The following STAP2 variants were observed in gnomAD, a reference collection of about 807,000 sequenced individuals.
STAP2 encodes signal transducing adaptor family member 2, also known as signal-transducing adaptor protein 2.
Under a neutral mutation model 52.7 loss-of-function variants are expected in STAP2, and 58 were observed. The ratio of observed to expected loss-of-function variants is 1.10; its 90% CI spans 0.89 to 1.37. STAP2 has a LOEUF of 1.37. Ranked by LOEUF, STAP2 falls within the 40% of genes most tolerant of loss-of-function variation. The pLI is 0.00. For missense variants in STAP2, 522 were observed against 519.4 expected, an observed-to-expected ratio of 1.00 and a Z score of -0.05; for synonymous variants, 231 against 210.5, an observed-to-expected ratio of 1.10 and a Z score of -0.84.
At position 4,338,672 on chromosome 19, in the gene STAP2, T is replaced by C. The variant is rs1972019521; in HGVS notation, c.82A>G (p.Lys28Glu). 6.2e-7 allele frequency: 1 copy of C among 1,612,706 alleles called. No individual in the cohort carries two copies. Among genetic ancestry groups the C allele is most frequent in the African/African-American group, 1.3e-5 (1 of 74,840 alleles). Reference protein sequence around the residue: ...PSHYYESFLEKKGPCDRDYKK... With the variant: ...PSHYYESFLEEKGPCDRDYKK... ...CTTACCCGGTCACAGGGCCCCTTCT[T>C]CTCTAGAAAGCTCTCATAGTAGTGT... is the stretch of plus-strand genomic sequence containing the variant. The change falls in exon 1 of 13, where the codon AAG becomes GAG. Residue 28 changes from lysine (K) to glutamate (E), a missense_variant. Lys to Glu is a moderately conservative substitution (Grantham distance 56, BLOSUM62 1). Coordinates refer to ENST00000594605, the MANE Select transcript of STAP2 (RefSeq NM_001013841.2).
intron 4 of STAP2, 66 bp from the exon 5 acceptor site, chr19:4,330,127 C>A: frequency 1.5e-6 from 2 of 1,294,010 alleles, no homozygotes; most frequent in East Asian, 2.3e-5. Context: ...GTGCCCAAGT[C>A]ACAGAGTGGC....
chr19:4,331,151 G>A (rs926031965), intron 4 of STAP2, among the ~76,000 whole-genome samples: 4 of 152,068 alleles, frequency 2.6e-5, no homozygotes, highest in South Asian at 2.1e-4. Flanking sequence ...GCAACATAGT[G>A]AGACCCTGCT....
chr19:4,332,174 CG>C, intron 3 of STAP2, 96 bp from the exon 4 acceptor site: 2 of 826,786 alleles, frequency 2.4e-6, no homozygotes, highest in South Asian at 2.1e-5. Context: ...TTCAAAGGGC[CG>C]TTTTCTTTTT....
At chr19:4,332,156 G>A in intron 3 of STAP2, 78 bp from the exon 4 acceptor site, 1 of 1,104,528 alleles carries the variant, frequency 9.1e-7, no homozygotes, top group South Asian at 1.5e-5. Flanking sequence ...CTAGGGAAGA[G>A]TCCCTGCTTC....
chr19:4,328,822 G>T lies in STAP2; in HGVS notation c.456-13C>A, dbSNP rs1235237336. On this transcript the variant is annotated splice_polypyrimidine_tract_variant and intron_variant, in intron 5 of 12. Transcript: ENST00000594605. ...CTTCAGGAAGCACCTGTGGCGGGCCGCGTCACCCACTCGGGACCCCGGAGA... is the reference window on the plus strand; with the variant it reads ...CTTCAGGAAGCACCTGTGGCGGGCCTCGTCACCCACTCGGGACCCCGGAGA... 4.4e-6 allele frequency: 7 copies of T among 1,605,388 alleles called. No individual in the cohort carries two copies. The highest frequency in any genetic ancestry group is 1.1e-5 in the South Asian group (1 of 90,216).
intron 1 of STAP2, among the ~76,000 whole-genome samples, chr19:4,335,185 TCATC>T (rs1235113594): frequency 2.9e-5 from 4 of 139,246 alleles, no homozygotes; most frequent in Non-Finnish European, 6.2e-5. Context: ...CATCCATCCC[TCATC>T]CATCCATCAT....
chr19:4,327,353 C>G lies in STAP2; in HGVS notation c.623G>C (p.Arg208Pro). The G allele has an allele frequency of 6.2e-7, 1 of 1,614,126 alleles. No homozygotes were observed. The stretch of plus-strand genomic sequence containing the variant: ...ATCGATCACGTACTTGGGGCCCTCC[C>G]GCTTCACCTTGTAATGCCGGACCAC... ...THVVRHYKVK[R>P]EGPKYVIDVE... Residue 208 changes from arginine to proline, a missense_variant, in exon 7 of 13, where the codon CGG (arginine) becomes CCG (proline). Physicochemically the swap from Arg to Pro is moderately radical, Grantham distance 103. Coordinates refer to ENST00000594605, the MANE Select transcript of STAP2 (RefSeq NM_001013841.2).
chr19:4,336,782 T>C (rs1281854192), intron 1 of STAP2, among the ~76,000 whole-genome samples: 1 of 151,812 alleles, frequency 6.6e-6, no homozygotes, highest in Non-Finnish European at 1.5e-5. Flanking sequence ...TTAAGGCGCC[T>C]GGCACCATAC....
chr19:4,326,697 T>A (rs1032076601), intron 9 of STAP2, among the ~76,000 whole-genome samples: 1 of 151,514 alleles, frequency 6.6e-6, no homozygotes, highest in African/African-American at 2.4e-5. Context: ...CGAGCCCAGG[T>A]TTTTCCTCCA....
In STAP2 at chr19:4,328,693, G is replaced by C. The variant is rs1971837888; in HGVS notation, c.572C>G (p.Thr191Arg). Residue 191 changes from threonine to arginine, a missense_variant, in exon 6 of 13, where the codon ACG (threonine) becomes AGG (arginine). Coordinates refer to ENST00000594605, the MANE Select transcript of STAP2 (RefSeq NM_001013841.2). ...TGCGCACCCGTTGTGCATCTGCCGC[G>C]TGGTGACCGACACGCCGTCGGCGCC... ...GDGADGVSVT[T>R]RQMHNGTHVV... 2.5e-6 allele frequency: 4 copies of C among 1,577,024 alleles called. No homozygotes were observed. Among genetic ancestry groups the C allele is most frequent in the Non-Finnish European group, 3.4e-6 (4 of 1,160,224 alleles).
At chr19:4,331,204 T>A (rs945331772) in intron 4 of STAP2, among the ~76,000 whole-genome samples, 4 of 151,452 alleles carry the variant, frequency 2.6e-5, no homozygotes, top group African/African-American at 9.7e-5. Flanking sequence ...GTAGTGTGTG[T>A]CTGTATCCCA....
At position 4,332,085 on chromosome 19, in the gene STAP2, A is replaced by T; in HGVS notation, c.298-7T>A. On this transcript the variant is annotated splice_polypyrimidine_tract_variant and splice_region_variant and intron_variant, in intron 3 of 12. Transcript: ENST00000594605. ...GACACTCCAAGGTCTCTACCTGGGGAACAAAAGAAAGGAAAGAATCCAAGT... is the reference window on the plus strand; with the variant it reads ...GACACTCCAAGGTCTCTACCTGGGGTACAAAAGAAAGGAAAGAATCCAAGT... 1 of 1,608,442 alleles carries T rather than the reference A, an allele frequency of 6.2e-7. No individual in the cohort carries two copies. Among genetic ancestry groups the T allele is most frequent in the Non-Finnish European group, 8.5e-7 (1 of 1,178,498 alleles).
chr19:4,328,869 T>A, intron 5 of STAP2, 60 bp from the exon 6 acceptor site: 1 of 1,573,664 alleles, frequency 6.4e-7, no homozygotes, highest in South Asian at 1.2e-5. Context: ...CTTCTGCACG[T>A]AAACCCTGCC....
chr19:4,327,888 CA>C (rs1240588435), intron 6 of STAP2, among the ~76,000 whole-genome samples: 1 of 54 alleles, frequency 0.019, no homozygotes, highest in Non-Finnish European at 0.031. Context: ...ACTTCGCCCC[CA>C]GGGCTGGCTC....
At position 4,325,468 on chromosome 19, in the gene STAP2, G is replaced by T. The variant is rs1971775654; in HGVS notation, c.907C>A (p.Leu303Ile). Residue 303 changes from leucine (L) to isoleucine (I), a missense_variant, in exon 10 of 13, where the codon CTA (leucine) becomes ATA (isoleucine). Leu to Ile is a conservative substitution (Grantham distance 5, BLOSUM62 2). Transcript: ENST00000594605. ...ACGTAGTTCTCTTCCTGGTTCGGTAGTGGGGGCAGTGGGGGCAGCTTGTCC... is the reference window on the plus strand; with the variant it reads ...ACGTAGTTCTCTTCCTGGTTCGGTATTGGGGGCAGTGGGGGCAGCTTGTCC... ...SQDKLPPLPP[L>I]PNQEENYVTP... The T allele has an allele frequency of 1.2e-6, 2 of 1,612,582 alleles. No individual in the cohort carries two copies. Among genetic ancestry groups the T allele is most frequent in the African/African-American group, 1.3e-5 (1 of 75,028 alleles).
intron 5 of STAP2, 147 bp downstream of exon 5, chr19:4,329,814 T>TG: frequency 2.1e-5 from 1 of 47,766 alleles, no homozygotes; most frequent in Non-Finnish European, 4.4e-5. Flanking sequence ...TAACTCCCCC[T>TG]CCCCCTCCCC....
intron 3 of STAP2, among the ~76,000 whole-genome samples, chr19:4,332,665 A>C (rs1479966113): frequency 6.6e-6 from 1 of 150,998 alleles, no homozygotes; most frequent in East Asian, 2.0e-4. Flanking sequence ...TAACATAGCG[A>C]GCCCCCTGTC....
chr19:4,325,652 G>C, intron 9 of STAP2, 107 bp from the exon 10 acceptor site: 2 of 1,285,594 alleles, frequency 1.6e-6, no homozygotes, highest in South Asian at 2.9e-5. Context: ...GTGTCCCTGT[G>C]TGTCTGTGTG....
rs1376622753 is a variant in STAP2, at chr19:4,338,798, C to G, written c.-45G>C. The G allele has an allele frequency of 1.9e-6, 3 of 1,580,838 alleles. No homozygotes were observed. The highest frequency in any genetic ancestry group is 2.6e-6 in the Non-Finnish European group (3 of 1,159,474). On this transcript the variant is annotated 5_prime_UTR_variant, in exon 1 of 13. Transcript: ENST00000594605. ...GCCTGGCCTCTCCTTCCAGTGGGTGCCCCAGCTGGGCCGGGAAGCTGAGAA... is the reference window on the plus strand; with the variant it reads ...GCCTGGCCTCTCCTTCCAGTGGGTGGCCCAGCTGGGCCGGGAAGCTGAGAA...
Sources: gnomAD v4.1 joint callset for allele counts (sites outside exome capture counted in the v4.1 genomes callset) on GRCh38, gnomAD v4.1.1 for gene constraint, MANE v1.5 for transcripts, NCBI Gene and HGNC (gene_info 2026-07-23, HGNC 2026-07-21) for gene names.